The following COL21A1 variants were observed in gnomAD, a reference collection of about 807,000 sequenced individuals.
COL21A1 encodes the protein collagen type XXI alpha 1 chain, also known as collagen alpha-1(XXI) chain.
A neutral mutation model predicts 137.9 loss-of-function variants in COL21A1; 149 were observed. The observed-to-expected ratio is 1.08, with a 90% CI of 0.95 to 1.24. COL21A1 has a LOEUF of 1.24. Among genes scored for constraint, COL21A1 ranks in the 50% most tolerant of loss-of-function variants. The probability of loss-of-function intolerance (pLI) is 0.00; values close to 1 mark genes in which losing one functional copy is unlikely to be tolerated. For missense variants in COL21A1, 1,167 were observed against 1,158.4 expected (o/e 1.01, Z -0.11); for synonymous variants, 456 against 391.5 (o/e 1.16, Z -1.95).
At chr6:56,324,915 T>A (rs1784696207) in intron 1 of COL21A1, among the ~76,000 whole-genome samples, 1 of 151,904 alleles carries the variant, frequency 6.6e-6, no homozygotes, top group Admixed American at 6.6e-5. Flanking sequence ...GACCCTCATA[T>A]GAAAGATGCC....
At chr6:56,337,961 CTTTTTTTTTT>C (rs200998969) in intron 1 of COL21A1, among the ~76,000 whole-genome samples, 1 of 90,854 alleles carries the variant, frequency 1.1e-5, no homozygotes, top group African/African-American at 2.9e-5. Context: ...CTTTTCTTTT[CTTTTTTTTTT>C]TTTTTTTTTG....
chr6:56,121,796 C>T (rs906339165), intron 16 of COL21A1, among the ~76,000 whole-genome samples: 17 of 151,284 alleles, frequency 1.1e-4, no homozygotes, highest in South Asian at 8.4e-4. Flanking sequence ...TGCTATAAAC[C>T]TAAAACTGTT....
intron 1 of COL21A1, among the ~76,000 whole-genome samples, chr6:56,319,724 A>G (rs529259153): frequency 2.4e-4 from 37 of 152,234 alleles, no homozygotes; most frequent in African/African-American, 8.7e-4. Context: ...TGATTAGACT[A>G]CCAAATTTAA....
intron 1 of COL21A1, among the ~76,000 whole-genome samples, chr6:56,231,543 G>A (rs1781559754): frequency 6.6e-6 from 1 of 151,686 alleles, no homozygotes; most frequent in African/African-American, 2.4e-5. Flanking sequence ...GTAAAACCAG[G>A]GGCTGAGAAG....
intron 1 of COL21A1, among the ~76,000 whole-genome samples, chr6:56,291,728 A>G (rs1764050860): frequency 1.3e-5 from 2 of 152,236 alleles, no homozygotes; most frequent in African/African-American, 4.8e-5. Flanking sequence ...GTCCTGTGTT[A>G]GAGGATGTCA....
In COL21A1 at chr6:56,212,637, T is replaced by C. The variant is rs916928013; in HGVS notation, c.-38-29981A>G. Among the ~76,000 whole-genome samples the C allele has an allele frequency of 2.6e-5, 4 of 152,066 alleles. No individual in the cohort carries two copies. In the East Asian group the frequency reaches 5.8e-4, roughly 22 times the overall value. On this transcript the variant is annotated intron_variant, in intron 1 of 29. Transcript: ENST00000244728. ...CAAGAGAAGACCTAGGAAAAAACTA[T>C]AGCTTGGAGTCAGCAAAGAAACAAA... is the stretch of plus-strand genomic sequence containing the variant.
intron 1 of COL21A1, among the ~76,000 whole-genome samples, chr6:56,192,203 G>A (rs1346434483): frequency 6.6e-6 from 1 of 152,098 alleles, no homozygotes; most frequent in Non-Finnish European, 1.5e-5. Flanking sequence ...ATCAACTCAA[G>A]ATAGATTAAA....
At chr6:56,302,072 GGCTGCATAGT>G (rs1392762283) in intron 1 of COL21A1, among the ~76,000 whole-genome samples, 3 of 151,888 alleles carry the variant, frequency 2.0e-5, no homozygotes, top group Non-Finnish European at 4.4e-5. Flanking sequence ...CATTTTTTAT[GGCTGCATAGT>G]ATTCCATGGT....
At chr6:56,366,990 C>T (rs1006122098) in intron 1 of COL21A1, among the ~76,000 whole-genome samples, 2 of 152,152 alleles carry the variant, frequency 1.3e-5, no homozygotes, top group Non-Finnish European at 2.9e-5. Context: ...AAAATATAAT[C>T]TTTTCAGAGT....
At chr6:56,322,684 C>T (rs1181403123) in intron 1 of COL21A1, among the ~76,000 whole-genome samples, 1 of 151,996 alleles carries the variant, frequency 6.6e-6, no homozygotes, top group African/African-American at 2.4e-5. Context: ...TCTTATAAAC[C>T]TTAAACTTAT....
intron 1 of COL21A1, among the ~76,000 whole-genome samples, chr6:56,243,731 T>A (rs368172763): frequency 6.6e-6 from 1 of 152,184 alleles, no homozygotes; most frequent in African/African-American, 2.4e-5. Flanking sequence ...CAAAAGTGAT[T>A]ATGTAACTTG....
intron 3 of COL21A1, among the ~76,000 whole-genome samples, chr6:56,177,520 G>A (rs1777574383): frequency 6.6e-6 from 1 of 152,070 alleles, no homozygotes; most frequent in South Asian, 2.1e-4. Flanking sequence ...CAGACTGGGC[G>A]CGGTGGCTCA....
chr6:56,077,601 CTT>C (rs759118962), intron 17 of COL21A1, 28 bp from the exon 18 acceptor site: 2 of 1,424,348 alleles, frequency 1.4e-6, no homozygotes, highest in African/African-American at 1.5e-5. Flanking sequence ...AGATTTTTAA[CTT>C]ATAAAAAATT....
chr6:56,342,209 G>A (rs1225213757), intron 1 of COL21A1, among the ~76,000 whole-genome samples: 1 of 152,184 alleles, frequency 6.6e-6, no homozygotes, highest in Admixed American at 6.5e-5. Context: ...CTCGGGGAAA[G>A]GGCGGGTAAG....
chr6:56,084,411 G>A (rs1768051506), intron 17 of COL21A1, among the ~76,000 whole-genome samples: 1 of 151,794 alleles, frequency 6.6e-6, no homozygotes, highest in African/African-American at 2.4e-5. Flanking sequence ...TATTTGTAAA[G>A]AAAAAGTCCA....
rs193131848 is a variant in COL21A1, at chr6:56,172,165, C to T, written c.641-1037G>A. 4.0e-5 allele frequency among the ~76,000 whole-genome samples: 6 copies of T among 151,748 alleles called. 1 individual carries two copies. Among genetic ancestry groups the T allele is most frequent in the Admixed American group, 2.0e-4 (3 of 15,244 alleles). On this transcript the variant is annotated intron_variant, in intron 3 of 29. Coordinates refer to ENST00000244728, the MANE Select transcript of COL21A1 (RefSeq NM_030820.4). ...AAATCTGGGAAAGGATATGGATACT[C>T]GAATTCAAGAAGCCTAATATATGCT...
chr6:56,291,903 G>A (rs1488085605), intron 1 of COL21A1, among the ~76,000 whole-genome samples: 1 of 152,054 alleles, frequency 6.6e-6, no homozygotes, highest in East Asian at 1.9e-4. Flanking sequence ...GGCCGGGTGT[G>A]GTGCCTGTAA....
At chr6:56,104,145 G>A (rs1024621647) in intron 16 of COL21A1, among the ~76,000 whole-genome samples, 1 of 152,080 alleles carries the variant, frequency 6.6e-6, no homozygotes, top group African/African-American at 2.4e-5. Context: ...ATAATTTATA[G>A]GAGTTTTTTT....
chr6:56,252,903 C>T (rs1274925063), intron 1 of COL21A1, among the ~76,000 whole-genome samples: 1 of 152,140 alleles, frequency 6.6e-6, no homozygotes, highest in Non-Finnish European at 1.5e-5. Flanking sequence ...ATGACAGGGG[C>T]CACCTCTATC....
Sources: gnomAD v4.1 joint callset for allele counts (sites outside exome capture counted in the v4.1 genomes callset) on GRCh38, gnomAD v4.1.1 for gene constraint, MANE v1.5 for transcripts, NCBI Gene and HGNC (gene_info 2026-07-23, HGNC 2026-07-21) for gene names.